Variants in DNM2 observed in about 807,000 individuals in gnomAD.
DNM2 encodes dynamin-2.
DNM2 carries 15 observed loss-of-function variants against 99.0 expected under a neutral mutation model. The ratio of observed to expected loss-of-function variants is 0.15; its 90% CI spans 0.10 to 0.23. The LOEUF is 0.23. Among genes scored for constraint, DNM2 ranks in the 10% least tolerant of loss-of-function variants. The pLI is 1.00. For synonymous variants in DNM2, 525 were observed against 481.2 expected, an observed-to-expected ratio of 1.09 and a Z score of -1.19; for missense variants, 742 against 1,189.4, an observed-to-expected ratio of 0.62 and a Z score of 5.53.
rs1285394458 is a variant in DNM2, at chr19:10,731,064, C to T, written c.161+12661C>T. ...CGGTGATGAGAGCTTCTCAGGGCTG[C>T]GATCCTGGCGGGCCAGTCAAGCGGG... On this transcript the variant is annotated intron_variant, in intron 1 of 20. Transcript: ENST00000389253. Among the ~76,000 whole-genome samples the T allele has an allele frequency of 3.9e-5, 6 of 152,142 alleles. 1 individual carries two copies. The highest frequency in any genetic ancestry group is 2.0e-4 in the Admixed American group (3 of 15,274).
chr19:10,783,690 A>ATTT (rs1233099815), intron 6 of DNM2, among the ~76,000 whole-genome samples: 1 of 133,768 alleles, frequency 7.5e-6, no homozygotes, highest in African/African-American at 2.5e-5. Flanking sequence ...TATTATTATT[A>ATTT]TTATTATTAT....
chr19:10,819,957 G>C, intron 15 of DNM2, 23 bp from the exon 16 acceptor site: 1 of 1,612,346 alleles, frequency 6.2e-7, no homozygotes, highest in Non-Finnish European at 8.5e-7. Context: ...CGCTCAGGGT[G>C]ACTCTTTTCC....
chr19:10,747,587 TCTC>T (rs769673170), intron 1 of DNM2, among the ~76,000 whole-genome samples: 2 of 152,036 alleles, frequency 1.3e-5, no homozygotes, highest in Non-Finnish European at 2.9e-5. Context: ...AAGTGAGAAG[TCTC>T]CTCATCTGTA....
intron 1 of DNM2, among the ~76,000 whole-genome samples, chr19:10,733,162 G>T (rs2069394120): frequency 6.7e-6 from 1 of 150,060 alleles, no homozygotes; most frequent in African/African-American, 2.5e-5. Flanking sequence ...GGGATTACCA[G>T]TGTGAGCCAC....
In DNM2 at chr19:10,731,125, G is replaced by T. The variant is rs576424348; in HGVS notation, c.161+12722G>T. On this transcript the variant is annotated intron_variant, in intron 1 of 20. Transcript: ENST00000389253. ...CCCAGCCAGGGTGACCCTGCCTGCT[G>T]GGTGATACGCCCTGGCACGACCAGG... is the stretch of plus-strand genomic sequence containing the variant. 2.8e-3 allele frequency among the ~76,000 whole-genome samples: 431 copies of T among 152,216 alleles called. 1 individual carries two copies. Among genetic ancestry groups the T allele is most frequent in the Middle Eastern group, 6.8e-3 (2 of 294 alleles).
At chr19:10,737,015 G>A (rs2069553721) in intron 1 of DNM2, among the ~76,000 whole-genome samples, 1 of 152,156 alleles carries the variant, frequency 6.6e-6, no homozygotes, top group South Asian at 2.1e-4. Flanking sequence ...AGGCATGGCA[G>A]CGCATACTTA....
chr19:10,796,610 A>G lies in DNM2; in HGVS notation c.1197-770A>G, dbSNP rs34516961. 0.11 allele frequency among the ~76,000 whole-genome samples: 16,272 copies of G among 152,140 alleles called. 1,172 individuals carry two copies. The highest frequency in any genetic ancestry group is 0.16 in the Non-Finnish European group (10,647 of 67,950). On this transcript the variant is annotated intron_variant, in intron 9 of 20. Coordinates refer to ENST00000389253, the MANE Select transcript of DNM2 (RefSeq NM_001005361.3). The surrounding 1 kb of genome is among the most constrained non-coding windows in gnomAD (Gnocchi z 5.6). Reference sequence around the variant, plus strand: ...CTTGACCAATGCCCGGCATTCTCAGACTTCCCTGGAGCCACCGACTTCTCT... The same window carrying G: ...CTTGACCAATGCCCGGCATTCTCAGGCTTCCCTGGAGCCACCGACTTCTCT...
rs1023633610 is a variant in DNM2, at chr19:10,772,059, A to C, written c.236-420A>C. On this transcript the variant is annotated intron_variant, in intron 2 of 20. Transcript: ENST00000389253. This position sits in a 1 kb window ranked among gnomAD's most constrained non-coding sequence, Gnocchi z 4.9. ...TGATTGGGTCATTATTTTCTTTTTT[A>C]TTTTATTTTATTTTATTTTATTTAT... Among the ~76,000 whole-genome samples the C allele has an allele frequency of 2.0e-5, 3 of 148,122 alleles. No homozygotes were observed. The highest frequency in any genetic ancestry group is 4.5e-5 in the Non-Finnish European group (3 of 67,102).
At chr19:10,722,004 C>T (rs1293242599) in intron 1 of DNM2, among the ~76,000 whole-genome samples, 1 of 152,106 alleles carries the variant, frequency 6.6e-6, no homozygotes, top group African/African-American at 2.4e-5. Context: ...GTGGATTTGG[C>T]GTTCTGGGCC....
At chr19:10,783,694 T>TTAC (rs1395692840) in intron 6 of DNM2, among the ~76,000 whole-genome samples, 177 of 133,114 alleles carry the variant, frequency 1.3e-3, no homozygotes, top group African/African-American at 3.8e-3. Flanking sequence ...ATTATTATTA[T>TTAC]TATTATTATT....
At position 10,805,958 on chromosome 19, in the gene DNM2, C is replaced by A; in HGVS notation, c.1536C>A (p.Ile512=). Residue 512 remains isoleucine, a synonymous_variant, in exon 13 of 21, where the codon ATC becomes ATA. Coordinates refer to ENST00000389253, the MANE Select transcript of DNM2 (RefSeq NM_001005361.3). ...CGCAGCTGAACAAGAAGAGAGCCAT[C>A]CCCAATCAGGTAGCACACCCCTCTG... is the stretch of plus-strand genomic sequence containing the variant. ...RSTQLNKKRA[I]PNQGEILVIR... 6.2e-7 allele frequency: 1 copy of A among 1,614,162 alleles called. No individual in the cohort carries two copies. Among genetic ancestry groups the A allele is most frequent in the Admixed American group, 1.7e-5 (1 of 60,014 alleles).
chr19:10,756,970 TA>T (rs2070409616), intron 1 of DNM2, among the ~76,000 whole-genome samples: 1 of 152,132 alleles, frequency 6.6e-6, no homozygotes, highest in Non-Finnish European at 1.5e-5. Flanking sequence ...GAGGGGGGTT[TA>T]AAAGCTTACA....
chr19:10,809,538 G>A (rs1467874023), intron 14 of DNM2: 1 of 152,428 alleles, frequency 6.6e-6, no homozygotes, highest in Non-Finnish European at 1.5e-5. Context: ...TGTGGGGCGT[G>A]AGATGGGCGT....
intron 1 of DNM2, among the ~76,000 whole-genome samples, chr19:10,722,455 G>C (rs7256743): frequency 0.084 from 12,719 of 152,128 alleles, 552 homozygotes; most frequent in Middle Eastern, 0.11. Context: ...AGGCATTCCC[G>C]CACCCTAGCC....
intron 1 of DNM2, among the ~76,000 whole-genome samples, chr19:10,732,745 G>A (rs1035878056): frequency 2.6e-5 from 4 of 151,826 alleles, no homozygotes; most frequent in Non-Finnish European, 4.4e-5. Flanking sequence ...GACTACCCCC[G>A]ACTCATCCAA....
At chr19:10,792,526 C>T (rs545053612) in intron 7 of DNM2, among the ~76,000 whole-genome samples, 3 of 152,318 alleles carry the variant, frequency 2.0e-5, no homozygotes, top group South Asian at 2.1e-4. Flanking sequence ...GGGCCAGGCC[C>T]GTTCTAAGGG....
intron 18 of DNM2, among the ~76,000 whole-genome samples, chr19:10,825,645 G>C (rs1488101656): frequency 6.6e-6 from 1 of 151,824 alleles, no homozygotes; most frequent in Non-Finnish European, 1.5e-5. Context: ...CTCCAGCCTG[G>C]GCGACAGAGT....
intron 1 of DNM2, among the ~76,000 whole-genome samples, chr19:10,735,634 C>G (rs1194996021): frequency 6.6e-6 from 1 of 151,758 alleles, no homozygotes; most frequent in African/African-American, 2.4e-5. Flanking sequence ...CTGCCTCAGC[C>G]GCTTGAGCAG....
intron 1 of DNM2, among the ~76,000 whole-genome samples, chr19:10,747,330 A>G (rs1265963875): frequency 2.0e-5 from 3 of 152,154 alleles, no homozygotes; most frequent in Admixed American, 2.0e-4. Flanking sequence ...CATCTTGTCC[A>G]GAAAGGAAAT....
Sources: allele counts gnomAD v4.1 joint callset (sites outside exome capture counted in the v4.1 genomes callset), GRCh38; gene constraint gnomAD v4.1.1; non-coding constraint Gnocchi (gnomAD v3.1); transcripts MANE v1.5; gene names NCBI Gene and HGNC (gene_info 2026-07-23, HGNC 2026-07-21).